Variants in FAM53C observed in about 807,000 individuals in gnomAD.
FAM53C encodes the protein protein FAM53C.
In FAM53C, 10 loss-of-function variants were observed where a neutral mutation model predicts 34.7. The observed-to-expected ratio is 0.29, with a 90% confidence interval of 0.18 to 0.49. The LOEUF (loss-of-function observed/expected upper bound fraction) is 0.49, where lower values mean the gene tolerates loss of function less well. Among genes scored for constraint, FAM53C ranks in the 20% least tolerant of loss-of-function variants. FAM53C has a pLI of 0.99. For synonymous variants in FAM53C, 203 were observed against 203.6 expected (o/e 1.00, Z 0.03); for missense variants, 442 against 515.3 (o/e 0.86, Z 1.38).
At position 138,346,817 on chromosome 5, in the gene FAM53C, C is replaced by T; in HGVS notation, c.1037C>T (p.Thr346Ile). Reference sequence around the variant, plus strand: ...CCCCTCTCTGCTTCCTGCAGCCCCACTGGGGGTTCCTCCCAGGTGCTGAGT... The same window carrying T: ...CCCCTCTCTGCTTCCTGCAGCCCCATTGGGGGTTCCTCCCAGGTGCTGAGT... Reference protein sequence around the residue: ...PPPLSASCSPTGGSSQVLSES... With the variant: ...PPPLSASCSPIGGSSQVLSES... Residue 346 changes from threonine to isoleucine, a missense_variant, in exon 5 of 5, where the codon ACT (threonine) becomes ATT (isoleucine). Coordinates refer to ENST00000239906, the MANE Select transcript of FAM53C (RefSeq NM_016605.3). The T allele has an allele frequency of 6.2e-7, 1 of 1,614,140 alleles. No homozygotes were observed. The highest frequency in any genetic ancestry group is 8.5e-7 in the Non-Finnish European group (1 of 1,180,018).
At chr5:138,341,906 T>C (rs1197549809) in intron 3 of FAM53C, 40 bp downstream of exon 3, 1 of 1,589,080 alleles carries the variant, frequency 6.3e-7, no homozygotes, top group Non-Finnish European at 8.6e-7. Flanking sequence ...TGTGTACCCA[T>C]TCCTCTCTCC....
chr5:138,343,728 C>T (rs910292301), intron 3 of FAM53C: 2 of 152,176 alleles, frequency 1.3e-5, no homozygotes, highest in Non-Finnish European at 2.9e-5. Flanking sequence ...ATCTCATTTT[C>T]TTTTCTGGGA....
Position 138,338,294 on chromosome 5 carries a change from C to A in FAM53C, c.-166C>A. The A allele has an allele frequency of 1.5e-6, 1 of 679,820 alleles. No homozygotes were observed. Among genetic ancestry groups the A allele is most frequent in the Non-Finnish European group, 2.3e-6 (1 of 433,956 alleles). 42.1% of individuals were successfully genotyped at this position (679,820 alleles called of 1,614,324 possible). Reference sequence around the variant, plus strand: ...GCTGCTCCGGCCGCGGCCCTGGGAGCTGGAGGAACCGCGGTAGGTGGTGGA... The same window carrying A: ...GCTGCTCCGGCCGCGGCCCTGGGAGATGGAGGAACCGCGGTAGGTGGTGGA... On this transcript the variant is annotated 5_prime_UTR_variant, in exon 1 of 5. The change creates a new upstream start codon in the 5' untranslated region. Transcript: ENST00000239906.
chr5:138,345,239 C>G lies in FAM53C; in HGVS notation c.551C>G (p.Pro184Arg), dbSNP rs1276159670. 1.9e-6 allele frequency: 3 copies of G among 1,614,246 alleles called. No individual in the cohort carries two copies. The highest frequency in any genetic ancestry group is 2.5e-6 in the Non-Finnish European group (3 of 1,180,038). Residue 184 changes from proline (P) to arginine (R), a missense_variant, in exon 4 of 5, where the codon CCA becomes CGA. Coordinates refer to ENST00000239906, the MANE Select transcript of FAM53C (RefSeq NM_016605.3). The surrounding 1 kb of genome is among the most constrained non-coding windows in gnomAD (Gnocchi z 6.3). ...CCCAGTGCCTCTTCTCAATGTGCCC[C>G]AGCTCACAGACCCTACAGCCCTCCT... ...QAPSASSQCAPAHRPYSPPFF... is the reference protein window; with the variant it reads ...QAPSASSQCARAHRPYSPPFF...
At position 138,345,296 on chromosome 5, in the gene FAM53C, C is replaced by T. The variant is rs763960131; in HGVS notation, c.608C>T (p.Ser203Phe). 2 of 1,614,124 alleles carry T rather than the reference C, an allele frequency of 1.2e-6. No individual in the cohort carries two copies. Among genetic ancestry groups the T allele is most frequent in the African/African-American group, 1.3e-5 (1 of 74,946 alleles). ...FFSLALAQDS[S>F]RPCAASPQSG... is the part of the protein sequence containing the mutation. The stretch of plus-strand genomic sequence containing the variant: ...AGCCTGGCCCTGGCCCAAGATTCCT[C>T]TCGACCCTGCGCCGCCTCCCCTCAA... The change falls in exon 4 of 5, where the codon TCT (serine) becomes TTT (phenylalanine). Residue 203 changes from serine to phenylalanine, a missense_variant. Physicochemically the swap from Ser to Phe is radical, Grantham distance 155. Transcript: ENST00000239906. The surrounding 1 kb of genome is among the most constrained non-coding windows in gnomAD (Gnocchi z 6.3).
chr5:138,338,589 ACC>A (rs60039274), intron 1 of FAM53C, among the ~76,000 whole-genome samples: 55,967 of 127,522 alleles, frequency 0.44, 11,738 homozygotes, highest in East Asian at 0.62. Context: ...GCCCTGGCGC[ACC>A]CCCCCCCCCG....
intron 3 of FAM53C, among the ~76,000 whole-genome samples, chr5:138,343,429 G>C (rs1761086251): frequency 6.6e-6 from 1 of 151,322 alleles, no homozygotes; most frequent in Non-Finnish European, 1.5e-5. Flanking sequence ...AGAATCCCTG[G>C]AATCCAGGAG....
upstream of FAM53C, chr5:138,337,916 C>T (rs1256105866): frequency 3.9e-6 from 5 of 1,268,808 alleles, no homozygotes; most frequent in Non-Finnish European, 5.1e-6. Flanking sequence ...GCAGTTGGGC[C>T]GTTGGAGGGA....
chr5:138,341,048 C>T, intron 1 of FAM53C, 136 bp from the exon 2 acceptor site: 1 of 481,052 alleles, frequency 2.1e-6, no homozygotes, highest in Non-Finnish European at 4.0e-6. Context: ...TTAGGCTTAG[C>T]TGGAAAGAGC....
chr5:138,348,720 T>C lies in FAM53C; in HGVS notation c.*1761T>C, dbSNP rs1010736978. 2 of 152,150 alleles carry C rather than the reference T, an allele frequency of 1.3e-5. No homozygotes were observed. The highest frequency in any genetic ancestry group is 4.8e-5 in the African/African-American group (2 of 41,428). 9.4% of individuals were successfully genotyped at this position (152,150 alleles called of 1,614,324 possible). A position where few individuals can be genotyped will look rare whatever the true frequency, so the allele number is the denominator to read the frequency against. On this transcript the variant is annotated 3_prime_UTR_variant, in exon 5 of 5. Transcript: ENST00000239906. ...AGGCTCCTCCCTATCTCCTGGCTAG[T>C]TACCACTAGGCTACCAGGTCTCTAG...
intron 3 of FAM53C, among the ~76,000 whole-genome samples, chr5:138,343,993 C>T (rs1761102000): frequency 6.6e-6 from 1 of 152,206 alleles, no homozygotes; most frequent in South Asian, 2.1e-4. Flanking sequence ...TTCCAGCCAG[C>T]TAGCCAGAGG....
rs1382243947 is a variant in FAM53C, at chr5:138,342,242, A to G, written c.136+376A>G. ...AGTTTCTTATACAGTATATGTGACT[A>G]GAATTTCTTTATATAAAAAGAAGCA... On this transcript the variant is annotated intron_variant, in intron 3 of 4. Transcript: ENST00000239906. 6 of 196,118 alleles carry G rather than the reference A, an allele frequency of 3.1e-5. 1 individual carries two copies. In the East Asian group the frequency reaches 7.3e-4, roughly 24 times the overall value. The allele number at this position is 196,118 out of a possible 1,614,324, so 12.1% of individuals were successfully genotyped here.
At chr5:138,337,918 T>A (rs766649027), upstream of FAM53C, 2 of 1,274,652 alleles carry the variant, frequency 1.6e-6, no homozygotes, top group South Asian at 2.5e-5. Flanking sequence ...AGTTGGGCCG[T>A]TGGAGGGAGG....
At position 138,347,904 on chromosome 5, in the gene FAM53C, C is replaced by G. The variant is rs1761226896; in HGVS notation, c.*945C>G. 1 of 152,210 alleles carries G rather than the reference C, an allele frequency of 6.6e-6. No individual in the cohort carries two copies. Among genetic ancestry groups the G allele is most frequent in the African/African-American group, 2.4e-5 (1 of 41,400 alleles). The allele number at this position is 152,210 out of a possible 1,614,324, so 9.4% of individuals were successfully genotyped here. A position where few individuals can be genotyped will look rare whatever the true frequency, so the allele number is the denominator to read the frequency against. On this transcript the variant is annotated 3_prime_UTR_variant, in exon 5 of 5. Transcript: ENST00000239906. ...GGACCCTTTTCCCCTCACCCTCTGC[C>G]CTTCTAAGTCATAGACTAGGTAGGA...
In FAM53C at chr5:138,345,398, T is replaced by C. The variant is rs369636070; in HGVS notation, c.710T>C (p.Leu237Pro). Residue 237 changes from leucine to proline, a missense_variant, in exon 4 of 5, where the codon CTG becomes CCG. Leu to Pro is a moderately conservative substitution (Grantham distance 98). Transcript: ENST00000239906. This position sits in a 1 kb window ranked among gnomAD's most constrained non-coding sequence, Gnocchi z 6.3. The part of the protein sequence containing the change: ...PQRRFSLSPS[L>P]GPQASRFLPS... ...CGCCGCTTCTCCCTGTCACCCAGTCTGGGCCCGCAGGCAAGCCGCTTCTTG... is the reference window on the plus strand; with the variant it reads ...CGCCGCTTCTCCCTGTCACCCAGTCCGGGCCCGCAGGCAAGCCGCTTCTTG... 9.9e-6 allele frequency: 16 copies of C among 1,613,868 alleles called. No homozygotes were observed. Among genetic ancestry groups the C allele is most frequent in the Non-Finnish European group, 1.2e-5 (14 of 1,180,036 alleles).
Position 138,345,230 on chromosome 5 carries a change from A to G in FAM53C, c.542A>G (p.Gln181Arg). The change falls in exon 4 of 5, where the codon CAA (glutamine) becomes CGA (arginine). Residue 181 changes from glutamine (Q) to arginine (R), a missense_variant. Transcript: ENST00000239906. This position sits in a 1 kb window ranked among gnomAD's most constrained non-coding sequence, Gnocchi z 6.3. ...RFLQAPSASS[Q>R]CAPAHRPYSP... The stretch of plus-strand genomic sequence containing the variant: ...CTCCAAGCTCCCAGTGCCTCTTCTC[A>G]ATGTGCCCCAGCTCACAGACCCTAC... 6.2e-7 allele frequency: 1 copy of G among 1,614,046 alleles called. No individual in the cohort carries two copies. Among genetic ancestry groups the G allele is most frequent in the South Asian group, 1.1e-5 (1 of 91,068 alleles).
upstream of FAM53C, chr5:138,337,700 C>CA (rs1314644557): frequency 3.0e-6 from 1 of 332,334 alleles, no homozygotes; most frequent in Admixed American, 4.5e-5. Context: ...GCCGATCCGG[C>CA]AGCTGCAAGA....
At chr5:138,340,391 C>T (rs1761002545) in intron 1 of FAM53C, among the ~76,000 whole-genome samples, 1 of 152,194 alleles carries the variant, frequency 6.6e-6, no homozygotes, top group Non-Finnish European at 1.5e-5. Context: ...CTGGCTTAAC[C>T]TCCCCTTTTC....
intron 1 of FAM53C, 31 bp from the exon 2 acceptor site, chr5:138,341,153 A>T (rs1688945894): frequency 1.4e-6 from 1 of 716,630 alleles, no homozygotes; most frequent in African/African-American, 1.7e-5. Context: ...CATCTCTAAT[A>T]TCACTTGGGG....
Sources: gnomAD v4.1 joint callset for allele counts (sites outside exome capture counted in the v4.1 genomes callset) on GRCh38, gnomAD v4.1.1 for gene constraint, Gnocchi (gnomAD v3.1) non-coding constraint, MANE v1.5 for transcripts, NCBI Gene and HGNC (gene_info 2026-07-23, HGNC 2026-07-21) for gene names.